Variants in CDH13 observed in about 807,000 individuals in gnomAD.
The protein encoded by CDH13 is cadherin-13.
Under a neutral mutation model 63.8 loss-of-function variants are expected in CDH13, and 24 were observed. The observed-to-expected ratio is 0.38, with a 90% CI of 0.27 to 0.53. The LOEUF is 0.53. CDH13 is among the 20% of genes least tolerant of loss of function. The pLI, the probability that CDH13 is intolerant of heterozygous loss-of-function variation, is 0.85. For synonymous variants in CDH13, 503 were observed against 355.3 expected (o/e 1.42, Z -4.67); for missense variants, 1,049 against 903.1 (o/e 1.16, Z -2.07).
intron 8 of CDH13, among the ~76,000 whole-genome samples, chr16:83,614,607 G>C (rs1280348151): frequency 6.6e-6 from 1 of 152,074 alleles, no homozygotes; most frequent in Non-Finnish European, 1.5e-5. Context: ...CCAGCTCTTC[G>C]GCACTTTCAA....
chr16:83,020,634 T>C (rs1028217077), intron 2 of CDH13, among the ~76,000 whole-genome samples: 1 of 152,246 alleles, frequency 6.6e-6, no homozygotes, highest in African/African-American at 2.4e-5. Flanking sequence ...TGTATGTAGC[T>C]TTCTTTTCTC....
intron 1 of CDH13, among the ~76,000 whole-genome samples, chr16:82,705,455 G>A (rs983024800): frequency 2.0e-5 from 3 of 152,106 alleles, no homozygotes; most frequent in African/African-American, 4.8e-5. Flanking sequence ...AAATTAGCTC[G>A]GCTTCCTGCA....
intron 7 of CDH13, among the ~76,000 whole-genome samples, chr16:83,591,257 C>A (rs979760173): frequency 6.6e-6 from 1 of 152,176 alleles, no homozygotes; most frequent in Admixed American, 6.5e-5. Flanking sequence ...GTCTTACGTA[C>A]CTGCTATGTA....
chr16:82,882,062 G>C (rs2040722403), intron 2 of CDH13, among the ~76,000 whole-genome samples: 1 of 152,042 alleles, frequency 6.6e-6, no homozygotes, highest in East Asian at 1.9e-4. Context: ...TTAGGTATGA[G>C]TGAGTCCTCA....
At chr16:83,229,912 T>G (rs1220519078) in intron 5 of CDH13, among the ~76,000 whole-genome samples, 4 of 152,164 alleles carry the variant, frequency 2.6e-5, no homozygotes, top group African/African-American at 9.7e-5. Flanking sequence ...GAGAGTCGCA[T>G]CCTCGTTAAA....
chr16:83,718,850 G>T (rs184892647), intron 10 of CDH13, among the ~76,000 whole-genome samples: 1 of 152,124 alleles, frequency 6.6e-6, no homozygotes, highest in Non-Finnish European at 1.5e-5. Flanking sequence ...TATTCTTCTT[G>T]TCTCATGGGG....
chr16:83,492,747 G>A lies in CDH13; in HGVS notation c.960+6092G>A, dbSNP rs949825353. Among the ~76,000 whole-genome samples the A allele has an allele frequency of 3.3e-5, 5 of 152,286 alleles. No individual in the cohort carries two copies. In the East Asian group the frequency reaches 9.7e-4, roughly 29 times the overall value. On this transcript the variant is annotated intron_variant, in intron 7 of 13. Transcript: ENST00000567109. ...CTCCTGCTGATGGCAATGGGGATTG[G>A]TGGGAGGGTTAGAGATGGGGAAGGC...
At chr16:83,572,806 A>T (rs1403542970) in intron 7 of CDH13, among the ~76,000 whole-genome samples, 1 of 152,212 alleles carries the variant, frequency 6.6e-6, no homozygotes, top group Non-Finnish European at 1.5e-5. Context: ...AATTTCAGTA[A>T]TCATTTCTGT....
chr16:83,226,559 G>A (rs1044589200), intron 5 of CDH13, among the ~76,000 whole-genome samples: 1 of 152,142 alleles, frequency 6.6e-6, no homozygotes, highest in South Asian at 2.1e-4. Context: ...TGACAGGATG[G>A]CTACCCTTTT....
intron 2 of CDH13, among the ~76,000 whole-genome samples, chr16:83,020,732 C>T (rs889443981): frequency 1.3e-5 from 2 of 152,182 alleles, no homozygotes; most frequent in African/African-American, 4.8e-5. Flanking sequence ...TCTCTAGGTG[C>T]TCATGCAGAA....
chr16:83,260,158 A>T (rs1036680951), intron 5 of CDH13, among the ~76,000 whole-genome samples: 1 of 149,746 alleles, frequency 6.7e-6, no homozygotes. Context: ...TCTCAAAACA[A>T]AGTTTACAAA....
chr16:83,295,562 G>C (rs796531982), intron 5 of CDH13, among the ~76,000 whole-genome samples: 4 of 152,168 alleles, frequency 2.6e-5, no homozygotes, highest in African/African-American at 9.6e-5. Context: ...ATGGCCAGCA[G>C]GCATATTTTT....
intron 2 of CDH13, among the ~76,000 whole-genome samples, chr16:82,960,523 T>C (rs1170382755): frequency 2.0e-5 from 3 of 152,306 alleles, no homozygotes; most frequent in East Asian, 3.9e-4. Flanking sequence ...TGTCTATAAA[T>C]ATGCCCGATG....
At chr16:83,507,201 T>G (rs1047180981) in intron 7 of CDH13, among the ~76,000 whole-genome samples, 1 of 152,224 alleles carries the variant, frequency 6.6e-6, no homozygotes, top group African/African-American at 2.4e-5. Flanking sequence ...ACAGATTGTT[T>G]AGCATTCTAT....
At chr16:82,936,569 A>G (rs1367579068) in intron 2 of CDH13, among the ~76,000 whole-genome samples, 2 of 152,170 alleles carry the variant, frequency 1.3e-5, no homozygotes, top group Non-Finnish European at 2.9e-5. Context: ...TTAAAACAGT[A>G]GGCCCCCCAC....
At chr16:82,843,061 G>A (rs897321752) in intron 1 of CDH13, among the ~76,000 whole-genome samples, 3 of 152,160 alleles carry the variant, frequency 2.0e-5, no homozygotes, top group African/African-American at 7.2e-5. Context: ...GCTGCAGATG[G>A]ATACCCATCC....
chr16:82,984,081 AC>A (rs1294105109), intron 2 of CDH13, among the ~76,000 whole-genome samples: 14 of 152,324 alleles, frequency 9.2e-5, no homozygotes, highest in Admixed American at 7.8e-4. Flanking sequence ...AGTTTTCTAA[AC>A]CTGGCAGGTC....
intron 2 of CDH13, among the ~76,000 whole-genome samples, chr16:82,871,607 A>G (rs2040342828): frequency 1.3e-5 from 2 of 152,162 alleles, no homozygotes; most frequent in African/African-American, 4.8e-5. Flanking sequence ...TCTCATTTGT[A>G]TAATGAGAGC....
intron 8 of CDH13, among the ~76,000 whole-genome samples, chr16:83,663,165 G>C (rs920381440): frequency 7.2e-5 from 11 of 152,124 alleles, no homozygotes; most frequent in Admixed American, 7.2e-4. Flanking sequence ...TGATGGAGTG[G>C]TTACCCCGGA....
Sources: gnomAD v4.1 joint callset for allele counts (sites outside exome capture counted in the v4.1 genomes callset) on GRCh38, gnomAD v4.1.1 for gene constraint, MANE v1.5 for transcripts, NCBI Gene and HGNC (gene_info 2026-07-23, HGNC 2026-07-21) for gene names.